Variants in TMEM132C observed in about 807,000 individuals in gnomAD.
TMEM132C encodes the protein transmembrane protein 132C, also known as protein phosphatase 1, regulatory subunit 152.
A neutral mutation model predicts 61.4 loss-of-function variants in TMEM132C; 29 were observed. The observed-to-expected ratio is 0.47, with a 90% CI of 0.35 to 0.64. TMEM132C has a LOEUF of 0.64. Among genes scored for constraint, TMEM132C ranks in the 30% least tolerant of loss-of-function variants. The pLI is 0.00. For missense variants in TMEM132C, 1,408 were observed against 1,476.9 expected (o/e 0.95, Z 0.76); for synonymous variants, 656 against 633.1 (o/e 1.04, Z -0.54).
intron 2 of TMEM132C, among the ~76,000 whole-genome samples, chr12:128,488,443 C>T (rs1156534427): frequency 6.6e-6 from 1 of 152,086 alleles, no homozygotes; most frequent in Admixed American, 6.5e-5. Context: ...GGTGGATCAC[C>T]TGAGGTCGGG....
chr12:128,278,569 G>A lies in TMEM132C; in HGVS notation c.85+11082G>A, dbSNP rs1870767297. ...CAGCTGGCAGTGGTTTGACTGTGTG[G>A]TTGCCTGTTAGTTCTGGGTGGGAAG... On this transcript the variant is annotated intron_variant, in intron 1 of 8. Coordinates refer to ENST00000435159, the MANE Select transcript of TMEM132C (RefSeq NM_001136103.3). The surrounding 1 kb of genome is among the most constrained non-coding windows in gnomAD (Gnocchi z 4.2). 6.6e-6 allele frequency among the ~76,000 whole-genome samples: 1 copy of A among 152,126 alleles called. No individual in the cohort carries two copies. Among genetic ancestry groups the A allele is most frequent in the Admixed American group, 6.5e-5 (1 of 15,280 alleles).
chr12:128,681,978 A>G (rs947294407), intron 5 of TMEM132C, among the ~76,000 whole-genome samples: 5 of 152,016 alleles, frequency 3.3e-5, no homozygotes, highest in African/African-American at 1.2e-4. Context: ...CCCAGATGGT[A>G]TCTTTACAGG....
intron 4 of TMEM132C, among the ~76,000 whole-genome samples, chr12:128,635,645 G>T (rs1954097827): frequency 6.6e-6 from 1 of 152,144 alleles, no homozygotes; most frequent in Non-Finnish European, 1.5e-5. Flanking sequence ...CCCTGAAACA[G>T]ATCTCCATTG....
intron 3 of TMEM132C, among the ~76,000 whole-genome samples, chr12:128,553,964 C>T (rs1392829761): frequency 6.6e-6 from 1 of 152,304 alleles, no homozygotes; most frequent in East Asian, 1.9e-4. Flanking sequence ...GGTGTCTGTG[C>T]CCAGGACTGG....
intron 2 of TMEM132C, among the ~76,000 whole-genome samples, chr12:128,446,040 A>T (rs1379787): frequency 1.4e-4 from 22 of 152,200 alleles, no homozygotes; most frequent in African/African-American, 5.3e-4. Context: ...CTATGAAAAA[A>T]GAAAAGCAAC....
chr12:128,405,015 T>G (rs890654231), intron 1 of TMEM132C, among the ~76,000 whole-genome samples: 1 of 131,016 alleles, frequency 7.6e-6, no homozygotes, highest in African/African-American at 2.7e-5. Context: ...GGTGCAGCTG[T>G]CACCTGCTCT....
At chr12:128,489,117 G>A (rs1871613306) in intron 2 of TMEM132C, among the ~76,000 whole-genome samples, 1 of 152,104 alleles carries the variant, frequency 6.6e-6, no homozygotes, top group Admixed American at 6.5e-5. Context: ...GGCGGCAGGT[G>A]CCTCTGTCTC....
At chr12:128,275,552 A>G (rs574009540) in intron 1 of TMEM132C, among the ~76,000 whole-genome samples, 3 of 152,286 alleles carry the variant, frequency 2.0e-5, no homozygotes, top group East Asian at 3.9e-4. Context: ...CAGTGTAATA[A>G]TAATAGAGAT....
chr12:128,666,782 C>T (rs1274418932), intron 4 of TMEM132C, among the ~76,000 whole-genome samples: 2 of 152,234 alleles, frequency 1.3e-5, no homozygotes, highest in Non-Finnish European at 2.9e-5. Flanking sequence ...ATTTCTATGA[C>T]TATTAATTCT....
intron 8 of TMEM132C, 80 bp from the exon 9 acceptor site, chr12:128,705,010 A>G: frequency 2.1e-6 from 3 of 1,426,534 alleles, no homozygotes; most frequent in Non-Finnish European, 2.8e-6. Flanking sequence ...TCCCTGTTTC[A>G]TTGGGCGTCC....
intron 2 of TMEM132C, among the ~76,000 whole-genome samples, chr12:128,518,194 A>G (rs117032026): frequency 0.011 from 1,739 of 152,346 alleles, 15 homozygotes; most frequent in Non-Finnish European, 0.018. Context: ...TTTCTGGGCC[A>G]CTGATTTATT....
At position 128,347,397 on chromosome 12, in the gene TMEM132C, G is replaced by GTCTCTCTCTCTCTC. The variant is rs55729184; in HGVS notation, c.86-67306_86-67293dup. The stretch of plus-strand genomic sequence containing the variant: ...TGCTGCCATAAGCATGCATATGTAT[G>GTCTCTCTCTCTCTC]TCTCTCTCTCTCTCTCTCTCTCTCT... On this transcript the variant is annotated intron_variant, in intron 1 of 8. Transcript: ENST00000435159. Among the ~76,000 whole-genome samples the GTCTCTCTCTCTCTC allele has an allele frequency of 3.1e-3, 415 of 135,516 alleles. 10 individuals are homozygous for GTCTCTCTCTCTCTC. Among genetic ancestry groups the GTCTCTCTCTCTCTC allele is most frequent in the African/African-American group, 6.3e-3 (208 of 32,892 alleles). 88.9% of individuals were successfully genotyped at this position (135,516 alleles called of 152,430 possible).
chr12:128,357,674 A>AC (rs1873554961), intron 1 of TMEM132C, among the ~76,000 whole-genome samples: 1 of 149,934 alleles, frequency 6.7e-6, no homozygotes. Context: ...CAGCCTGGGC[A>AC]ACAGTGAGAC....
intron 3 of TMEM132C, among the ~76,000 whole-genome samples, chr12:128,588,397 A>G (rs1414425727): frequency 1.3e-5 from 2 of 152,130 alleles, no homozygotes; most frequent in Non-Finnish European, 2.9e-5. Context: ...ACACCACTAC[A>G]CTCCAGCCTG....
intron 2 of TMEM132C, among the ~76,000 whole-genome samples, chr12:128,435,172 T>TC (rs1318660294): frequency 6.6e-6 from 1 of 152,198 alleles, no homozygotes; most frequent in Non-Finnish European, 1.5e-5. Context: ...GCCAATACCT[T>TC]CATCTTGGAC....
chr12:128,383,870 C>A (rs142312403), intron 1 of TMEM132C, among the ~76,000 whole-genome samples: 2 of 152,192 alleles, frequency 1.3e-5, no homozygotes, highest in Non-Finnish European at 2.9e-5. Context: ...ACTGAGCAGT[C>A]CTTCCATATC....
intron 1 of TMEM132C, among the ~76,000 whole-genome samples, chr12:128,320,841 A>T (rs1246420459): frequency 6.6e-6 from 1 of 151,764 alleles, no homozygotes; most frequent in Non-Finnish European, 1.5e-5. Flanking sequence ...AAAGGTGAAG[A>T]TATCAACATT....
At chr12:128,318,933 T>C (rs11609284) in intron 1 of TMEM132C, among the ~76,000 whole-genome samples, 33,964 of 152,176 alleles carry the variant, frequency 0.22, 4,520 homozygotes, top group Non-Finnish European at 0.3. Flanking sequence ...TCCTTTCTTA[T>C]CATGGCAAAA....
intron 2 of TMEM132C, among the ~76,000 whole-genome samples, chr12:128,477,773 G>T (rs988333297): frequency 6.6e-6 from 1 of 152,106 alleles, no homozygotes; most frequent in African/African-American, 2.4e-5. Flanking sequence ...GTAGAGACAG[G>T]GTTTCACCAT....
Sources: gnomAD v4.1 joint callset for allele counts (sites outside exome capture counted in the v4.1 genomes callset) on GRCh38, gnomAD v4.1.1 for gene constraint, Gnocchi (gnomAD v3.1) non-coding constraint, MANE v1.5 for transcripts, NCBI Gene and HGNC (gene_info 2026-07-23, HGNC 2026-07-21) for gene names.